CCDC91: variants seen among roughly 807,000 people sequenced by gnomAD.
CCDC91 encodes the protein coiled-coil domain containing 91, also known as coiled-coil domain-containing protein 91.
CCDC91 carries 48 observed loss-of-function variants against 63.2 expected under a neutral mutation model. The observed-to-expected ratio is 0.76, with a 90% CI of 0.60 to 0.97. CCDC91 has a LOEUF of 0.97. Ranked by LOEUF, CCDC91 falls within the 50% of genes least tolerant of loss-of-function variation. The pLI, the probability that CCDC91 is intolerant of heterozygous loss-of-function variation, is 0.00. For synonymous variants in CCDC91, 167 were observed against 165.8 expected (o/e 1.01, Z -0.06); for missense variants, 500 against 494.6 (o/e 1.01, Z -0.10).
At chr12:28,391,633 G>A (rs1945954837) in intron 8 of CCDC91, among the ~76,000 whole-genome samples, 1 of 152,068 alleles carries the variant, frequency 6.6e-6, no homozygotes, top group South Asian at 2.1e-4. Context: ...TTATTCTTGT[G>A]TTAATTTATG....
intron 12 of CCDC91, among the ~76,000 whole-genome samples, chr12:28,503,202 T>C (rs1938200129): frequency 1.3e-5 from 2 of 151,740 alleles, no homozygotes; most frequent in South Asian, 4.2e-4. Flanking sequence ...AGGGCTAATA[T>C]CCAGAATCTA....
chr12:28,259,270 T>C (rs1258577631), intron 2 of CCDC91, 94 bp from the exon 3 acceptor site: 2 of 867,868 alleles, frequency 2.3e-6, no homozygotes, highest in Admixed American at 1.8e-5. Context: ...TGGTGTGTTA[T>C]AGAAGATATG....
At chr12:28,296,649 A>G (rs1333124077) in intron 3 of CCDC91, among the ~76,000 whole-genome samples, 2 of 151,926 alleles carry the variant, frequency 1.3e-5, no homozygotes, top group Admixed American at 6.6e-5. Flanking sequence ...ATAAACATAT[A>G]CATTATATAT....
intron 12 of CCDC91, among the ~76,000 whole-genome samples, chr12:28,485,175 T>C (rs1156818886): frequency 6.6e-6 from 1 of 151,906 alleles, no homozygotes; most frequent in African/African-American, 2.4e-5. Flanking sequence ...TTGTTTTTTT[T>C]TGAGACAGAG....
chr12:28,214,657 T>C (rs1943451784), intron 1 of CCDC91, among the ~76,000 whole-genome samples: 1 of 152,304 alleles, frequency 6.6e-6, no homozygotes, highest in South Asian at 2.1e-4. Flanking sequence ...CGACTATATA[T>C]AATAGTATTT....
At chr12:28,470,754 T>C (rs1950774616) in intron 11 of CCDC91, among the ~76,000 whole-genome samples, 1 of 152,142 alleles carries the variant, frequency 6.6e-6, no homozygotes, top group Admixed American at 6.6e-5. Flanking sequence ...TATTCAGCCA[T>C]AGAAATGAAT....
rs898973836 is a variant in CCDC91, at chr12:28,227,911, T to C, written c.-14-29291T>C. On this transcript the variant is annotated intron_variant, in intron 1 of 12. Coordinates refer to ENST00000536442, the MANE Select transcript of CCDC91 (RefSeq NM_018318.5). ...ATCTCACTATAGCATTGTTTTCTTA[T>C]TGAAAAAGAGGAGGTGATATAGAAA... Among the ~76,000 whole-genome samples, 8 of 152,110 alleles carry C rather than the reference T, an allele frequency of 5.3e-5. No individual in the cohort carries two copies. The East Asian group carries it at 7.7e-4, about 15-fold the overall frequency.
At chr12:28,285,359 C>T (rs956942045) in intron 3 of CCDC91, among the ~76,000 whole-genome samples, 2 of 152,088 alleles carry the variant, frequency 1.3e-5, no homozygotes, top group Non-Finnish European at 2.9e-5. Context: ...ATCCACCTCT[C>T]AGAGACAAGC....
chr12:28,533,887 C>G (rs1941943351), intron 12 of CCDC91, among the ~76,000 whole-genome samples: 1 of 151,542 alleles, frequency 6.6e-6, no homozygotes, highest in Non-Finnish European at 1.5e-5. Flanking sequence ...AGTACTTTAG[C>G]ACATATGGAT....
chr12:28,341,549 C>T (rs544944135), intron 6 of CCDC91, among the ~76,000 whole-genome samples: 1 of 152,310 alleles, frequency 6.6e-6, no homozygotes, highest in Non-Finnish European at 1.5e-5. Context: ...TACCTTAGTT[C>T]CTTTGTCTTG....
intron 11 of CCDC91, among the ~76,000 whole-genome samples, chr12:28,477,797 C>A (rs1034257149): frequency 6.6e-6 from 1 of 152,114 alleles, no homozygotes; most frequent in Non-Finnish European, 1.5e-5. Flanking sequence ...GCAAAAATCA[C>A]AAGCACTCTT....
At chr12:28,348,168 G>A (rs1159464132) in intron 6 of CCDC91, among the ~76,000 whole-genome samples, 1 of 152,156 alleles carries the variant, frequency 6.6e-6, no homozygotes, top group Admixed American at 6.5e-5. Context: ...CTACTCTGGT[G>A]GAATACTGTC....
At chr12:28,195,699 T>C (rs59554990) in intron 1 of CCDC91, among the ~76,000 whole-genome samples, 2,825 of 152,330 alleles carry the variant, frequency 0.019, 90 homozygotes, top group African/African-American at 0.064. Context: ...TTAGAATCTC[T>C]TTATTTCTAT....
chr12:28,518,044 T>C (rs1363393965), intron 12 of CCDC91, among the ~76,000 whole-genome samples: 1 of 151,952 alleles, frequency 6.6e-6, no homozygotes, highest in Admixed American at 6.6e-5. Flanking sequence ...GATTGATGGG[T>C]TCCTGATGGC....
At chr12:28,416,894 A>G (rs1947696791) in intron 8 of CCDC91, among the ~76,000 whole-genome samples, 1 of 152,150 alleles carries the variant, frequency 6.6e-6, no homozygotes. Context: ...ATATATATAT[A>G]TGATTATGGA....
At chr12:28,220,032 G>A (rs192231237) in intron 1 of CCDC91, among the ~76,000 whole-genome samples, 35 of 152,036 alleles carry the variant, frequency 2.3e-4, no homozygotes, top group Non-Finnish European at 4.4e-4. Flanking sequence ...ATACAGTTGG[G>A]TCTTGCTTTA....
At chr12:28,427,214 AC>A (rs1382867059) in intron 8 of CCDC91, among the ~76,000 whole-genome samples, 1 of 151,452 alleles carries the variant, frequency 6.6e-6, no homozygotes, top group Non-Finnish European at 1.5e-5. Context: ...TTCCTCCCCA[AC>A]CCCCACCTCC....
chr12:28,418,074 A>C (rs1405360395), intron 8 of CCDC91, among the ~76,000 whole-genome samples: 1 of 152,144 alleles, frequency 6.6e-6, no homozygotes, highest in Non-Finnish European at 1.5e-5. Flanking sequence ...TCTGGGTTAA[A>C]TACTTAGGAG....
rs79682364 is a variant in CCDC91 at position 28,293,713 on chromosome 12, T to G, written c.110-11936T>G. On this transcript the variant is annotated intron_variant, in intron 3 of 12. Transcript: ENST00000536442. ...TTTTCCTATTTGGTTCTCTGTAGTC[T>G]GTTTCCTTGTCTGTATTTTTTTTTT... 2.1e-3 allele frequency among the ~76,000 whole-genome samples: 317 copies of G among 152,236 alleles called. 12 individuals carry two copies. In the East Asian group the frequency reaches 0.055, roughly 26 times the overall value.
Sources: allele counts gnomAD v4.1 joint callset (sites outside exome capture counted in the v4.1 genomes callset), GRCh38; gene constraint gnomAD v4.1.1; transcripts MANE v1.5; gene names NCBI Gene and HGNC (gene_info 2026-07-23, HGNC 2026-07-21).